CTNNA3: variants seen among roughly 807,000 people sequenced by gnomAD.
The protein encoded by CTNNA3 is catenin alpha-3.
A neutral mutation model predicts 95.7 loss-of-function variants in CTNNA3; 76 were observed. The ratio of observed to expected loss-of-function variants is 0.79; its 90% CI spans 0.66 to 0.96. The LOEUF (loss-of-function observed/expected upper bound fraction) is 0.96. CTNNA3 is among the 40% of genes least tolerant of loss of function. The pLI, the probability that CTNNA3 is intolerant of heterozygous loss-of-function variation, is 0.00. For missense variants in CTNNA3, 1,191 were observed against 1,089.8 expected, an observed-to-expected ratio of 1.09 and a Z score of -1.31; for synonymous variants, 431 against 374.4, an observed-to-expected ratio of 1.15 and a Z score of -1.74.
chr10:66,692,406 T>C (rs993961942), intron 9 of CTNNA3, among the ~76,000 whole-genome samples: 42 of 151,882 alleles, frequency 2.8e-4, no homozygotes, highest in Non-Finnish European at 5.9e-4. Flanking sequence ...AAGGGAAGTT[T>C]AGAGAAAAAA....
intron 7 of CTNNA3, among the ~76,000 whole-genome samples, chr10:66,837,108 A>T (rs1842911155): frequency 6.6e-6 from 1 of 152,170 alleles, no homozygotes; most frequent in Admixed American, 6.5e-5. Flanking sequence ...GGATCAGCAA[A>T]ACAGTTGCCT....
chr10:66,809,428 T>A (rs1841787208), intron 7 of CTNNA3, among the ~76,000 whole-genome samples: 1 of 152,210 alleles, frequency 6.6e-6, no homozygotes, highest in Admixed American at 6.6e-5. Context: ...ACGGATTTTT[T>A]CCATTACTAA....
intron 13 of CTNNA3, among the ~76,000 whole-genome samples, chr10:66,141,871 T>C (rs575883446): frequency 3.7e-4 from 56 of 152,270 alleles, no homozygotes; most frequent in African/African-American, 1.3e-3. Flanking sequence ...GAGGCAGATG[T>C]TTCCTTATAG....
intron 7 of CTNNA3, among the ~76,000 whole-genome samples, chr10:67,078,400 A>C (rs778306492): frequency 5.9e-5 from 9 of 152,246 alleles, no homozygotes; most frequent in Non-Finnish European, 1.0e-4. Context: ...AAAGAAAATG[A>C]TCAGAAAGAA....
chr10:67,183,977 G>A (rs576520931), intron 6 of CTNNA3, among the ~76,000 whole-genome samples: 42 of 152,188 alleles, frequency 2.8e-4, no homozygotes, highest in Non-Finnish European at 5.0e-4. Flanking sequence ...AAAGGAGTCA[G>A]AAGGAGCCAA....
At chr10:67,131,521 G>C (rs1020556119) in intron 7 of CTNNA3, among the ~76,000 whole-genome samples, 4 of 152,030 alleles carry the variant, frequency 2.6e-5, no homozygotes, top group Admixed American at 2.0e-4. Flanking sequence ...GGTGTTGGTA[G>C]ACCATTGGTG....
chr10:67,236,833 G>T (rs1865485515), intron 5 of CTNNA3, among the ~76,000 whole-genome samples: 1 of 151,580 alleles, frequency 6.6e-6, no homozygotes, highest in African/African-American at 2.4e-5. Flanking sequence ...AAAAACAGTA[G>T]ATGTTGGCAT....
At chr10:67,558,086 A>G (rs1403058797) in intron 3 of CTNNA3, among the ~76,000 whole-genome samples, 2 of 151,926 alleles carry the variant, frequency 1.3e-5, no homozygotes, top group African/African-American at 4.8e-5. Context: ...TATCTTTCCA[A>G]CCTTTCTAAA....
At chr10:67,586,959 C>T (rs184685753) in intron 3 of CTNNA3, among the ~76,000 whole-genome samples, 1 of 152,148 alleles carries the variant, frequency 6.6e-6, no homozygotes, top group Non-Finnish European at 1.5e-5. Context: ...TGTGAGCTTG[C>T]TCTACCAATG....
intron 7 of CTNNA3, among the ~76,000 whole-genome samples, chr10:66,954,479 C>T (rs1848690438): frequency 6.6e-6 from 1 of 152,116 alleles, no homozygotes; most frequent in South Asian, 2.1e-4. Context: ...GCATGTTGTG[C>T]ACTACACGGT....
chr10:66,746,876 T>C (rs1337680992), intron 9 of CTNNA3, among the ~76,000 whole-genome samples: 1 of 152,154 alleles, frequency 6.6e-6, no homozygotes, highest in Non-Finnish European at 1.5e-5. Context: ...TGTGTGTGTG[T>C]GTGTGTGTGC....
chr10:66,707,333 C>A (rs749373342), intron 9 of CTNNA3, among the ~76,000 whole-genome samples: 29 of 152,002 alleles, frequency 1.9e-4, no homozygotes, highest in Non-Finnish European at 3.2e-4. Context: ...AATATCTAGG[C>A]AACGATGGCC....
intron 10 of CTNNA3, among the ~76,000 whole-genome samples, chr10:66,584,295 T>C (rs1295243909): frequency 6.6e-6 from 1 of 151,964 alleles, no homozygotes; most frequent in Admixed American, 6.6e-5. Context: ...ACTCCCACTA[T>C]TATTGTGTTA....
intron 9 of CTNNA3, among the ~76,000 whole-genome samples, chr10:66,720,388 C>T (rs1424138666): frequency 2.6e-5 from 4 of 152,188 alleles, no homozygotes; most frequent in African/African-American, 9.7e-5. Flanking sequence ...ATAAGGTCAA[C>T]TCATCCTTTC....
chr10:66,033,654 T>C (rs1424501358), intron 15 of CTNNA3, among the ~76,000 whole-genome samples: 2 of 152,138 alleles, frequency 1.3e-5, no homozygotes, highest in East Asian at 1.9e-4. Context: ...AGTGATGCTC[T>C]TTAGCTTGTA....
At chr10:67,726,830 C>T (rs1197523412) in intron 1 of CTNNA3, among the ~76,000 whole-genome samples, 1 of 98,526 alleles carries the variant, frequency 1.0e-5, no homozygotes, top group African/African-American at 4.0e-5. Context: ...ATCTATGTAT[C>T]ATATATAATA....
At chr10:66,281,572 C>G (rs2091491894) in intron 12 of CTNNA3, among the ~76,000 whole-genome samples, 1 of 151,776 alleles carries the variant, frequency 6.6e-6, no homozygotes, top group Non-Finnish European at 1.5e-5. Context: ...AACTAATCTA[C>G]TATATCATAG....
intron 13 of CTNNA3, among the ~76,000 whole-genome samples, chr10:66,202,183 A>T (rs1344919991): frequency 6.6e-6 from 1 of 152,144 alleles, no homozygotes; most frequent in African/African-American, 2.4e-5. Context: ...TATTTCAAAC[A>T]TCCTACATTG....
intron 5 of CTNNA3, among the ~76,000 whole-genome samples, chr10:67,460,218 T>C (rs1023438339): frequency 6.6e-6 from 1 of 152,120 alleles, no homozygotes; most frequent in Non-Finnish European, 1.5e-5. Context: ...ATTCTAACTG[T>C]TGAATTAGAG....
Sources: allele counts gnomAD v4.1 joint callset (sites outside exome capture counted in the v4.1 genomes callset), GRCh38; gene constraint gnomAD v4.1.1; transcripts MANE v1.5; gene names NCBI Gene and HGNC (gene_info 2026-07-23, HGNC 2026-07-21).